The following CNTN5 variants were observed in gnomAD, a reference collection of about 807,000 sequenced individuals.
CNTN5 encodes contactin 5.
A neutral mutation model predicts 129.1 loss-of-function variants in CNTN5; 77 were observed. The ratio of observed to expected loss-of-function variants is 0.60; its 90% confidence interval spans 0.50 to 0.72. The LOEUF (loss-of-function observed/expected upper bound fraction) is 0.72. CNTN5 is among the 30% of genes least tolerant of loss of function. The probability of loss-of-function intolerance (pLI) is 0.00; values close to 1 mark genes in which losing one functional copy is unlikely to be tolerated. For synonymous variants in CNTN5, 509 were observed against 465.6 expected (o/e 1.09, Z -1.20); for missense variants, 1,478 against 1,328.8 (o/e 1.11, Z -1.75).
intron 3 of CNTN5, among the ~76,000 whole-genome samples, chr11:99,601,551 C>T (rs892040833): frequency 6.6e-6 from 1 of 152,228 alleles, no homozygotes; most frequent in African/African-American, 2.4e-5. Context: ...AAGTACTCCA[C>T]AGGGATTTCC....
chr11:99,732,370 T>A (rs186997140), intron 3 of CNTN5, among the ~76,000 whole-genome samples: 1 of 152,276 alleles, frequency 6.6e-6, no homozygotes, highest in East Asian at 1.9e-4. Context: ...GAAGCAGAAA[T>A]ACATTTTAAA....
intron 1 of CNTN5, among the ~76,000 whole-genome samples, chr11:99,302,515 T>A (rs567143452): frequency 6.6e-6 from 1 of 151,942 alleles, no homozygotes; most frequent in African/African-American, 2.4e-5. Context: ...TATATTTTTA[T>A]TGATACATAA....
chr11:99,819,089 C>T (rs562003485), intron 3 of CNTN5, among the ~76,000 whole-genome samples: 2 of 151,734 alleles, frequency 1.3e-5, no homozygotes, highest in African/African-American at 2.4e-5. Context: ...TTCCTCACTG[C>T]ATTTTAATAA....
chr11:99,740,915 T>C (rs1047638187), intron 3 of CNTN5, among the ~76,000 whole-genome samples: 1 of 152,176 alleles, frequency 6.6e-6, no homozygotes, highest in Non-Finnish European at 1.5e-5. Context: ...ACTATCTGCT[T>C]ATGTTTTCTG....
chr11:99,243,613 TA>T (rs1221685096), intron 1 of CNTN5, among the ~76,000 whole-genome samples: 46 of 152,110 alleles, frequency 3.0e-4, no homozygotes, highest in Admixed American at 1.3e-4. Flanking sequence ...CTTAAATATT[TA>T]ATCTATCTTG....
chr11:99,791,539 T>C (rs572308281), intron 3 of CNTN5, among the ~76,000 whole-genome samples: 74 of 151,968 alleles, frequency 4.9e-4, no homozygotes, highest in Non-Finnish European at 8.3e-4. Flanking sequence ...TGTTTTGAAG[T>C]TGGGTCACGT....
At position 99,954,256 on chromosome 11, in the gene CNTN5, A is replaced by G. The variant is rs191115502; in HGVS notation, c.674-2550A>G. Among the ~76,000 whole-genome samples, 275 of 152,358 alleles carry G rather than the reference A, an allele frequency of 1.8e-3. 4 individuals carry two copies. Among genetic ancestry groups the G allele is most frequent in the East Asian group, 3.9e-4 (2 of 5,190 alleles). On this transcript the variant is annotated intron_variant, in intron 7 of 24. Transcript: ENST00000524871. ...GACTTTCATAACGTAGATGCACAGT[A>G]TATCTCAAAGTGGTCATTGTCTGCT... is the stretch of plus-strand genomic sequence containing the variant.
At chr11:99,824,319 A>G (rs953544847) in intron 4 of CNTN5, among the ~76,000 whole-genome samples, 1 of 151,968 alleles carries the variant, frequency 6.6e-6, no homozygotes, top group African/African-American at 2.4e-5. Flanking sequence ...TGAGTATAGT[A>G]TACCATTTTA....
chr11:99,619,185 A>T (rs1950852137), intron 3 of CNTN5, among the ~76,000 whole-genome samples: 1 of 134,768 alleles, frequency 7.4e-6, no homozygotes, highest in Non-Finnish European at 1.7e-5. Flanking sequence ...TTTTGTTAAA[A>T]CAAAAAAATC....
intron 8 of CNTN5, among the ~76,000 whole-genome samples, chr11:99,989,957 G>T (rs1042419682): frequency 2.0e-5 from 3 of 152,032 alleles, no homozygotes; most frequent in Non-Finnish European, 4.4e-5. Context: ...AGTAGAGACG[G>T]GGTTTCACCG....
chr11:99,428,889 T>C (rs561536005), intron 2 of CNTN5, among the ~76,000 whole-genome samples: 5 of 152,202 alleles, frequency 3.3e-5, no homozygotes, highest in Admixed American at 3.3e-4. Flanking sequence ...ATAAATCAGT[T>C]TTTTGCCAAT....
intron 6 of CNTN5, among the ~76,000 whole-genome samples, chr11:99,867,394 G>C (rs575048717): frequency 6.6e-6 from 1 of 152,274 alleles, no homozygotes; most frequent in East Asian, 1.9e-4. Context: ...AAACGTAGAG[G>C]CTTAAACAAG....
At chr11:99,196,099 A>C (rs1478047966) in intron 1 of CNTN5, among the ~76,000 whole-genome samples, 2 of 151,968 alleles carry the variant, frequency 1.3e-5, no homozygotes, top group African/African-American at 4.8e-5. Context: ...AGGTAAAGAA[A>C]GGTTAAAAGT....
At chr11:99,892,850 T>C (rs983667150) in intron 6 of CNTN5, among the ~76,000 whole-genome samples, 1 of 152,242 alleles carries the variant, frequency 6.6e-6, no homozygotes. Flanking sequence ...AGTAGTTTTT[T>C]CTAATTCTGT....
In CNTN5 at chr11:99,819,612, T is replaced by C. The variant is rs201117922; in HGVS notation, c.124T>C (p.Ser42Pro). The change falls in exon 4 of 25, where the codon TCT becomes CCT. Residue 42 changes from serine (S) to proline (P), a missense_variant. Transcript: ENST00000524871. Reference protein sequence around the residue: ...AALLRIKKSSSSSLFGSKTRP... With the variant: ...AALLRIKKSSPSSLFGSKTRP... Reference sequence around the variant, plus strand: ...TTTGTTAAGAATTAAGAAGAGTTCATCTTCATCTCTCTTTGGTTCCAAAAC... The same window carrying C: ...TTTGTTAAGAATTAAGAAGAGTTCACCTTCATCTCTCTTTGGTTCCAAAAC... 1.8e-4 allele frequency: 294 copies of C among 1,612,754 alleles called. No individual in the cohort carries two copies. The highest frequency in any genetic ancestry group is 1.7e-5 in the Non-Finnish European group (20 of 1,179,798).
chr11:100,208,189 C>T (rs966604002), intron 15 of CNTN5, among the ~76,000 whole-genome samples: 1 of 152,132 alleles, frequency 6.6e-6, no homozygotes, highest in Non-Finnish European at 1.5e-5. Context: ...TGGTCTCTAT[C>T]AATTTTCACT....
chr11:100,138,249 GA>G (rs60393448), intron 13 of CNTN5, among the ~76,000 whole-genome samples: 42 of 147,638 alleles, frequency 2.8e-4, no homozygotes, highest in East Asian at 1.8e-3. Flanking sequence ...TGGCACTAAG[GA>G]AAAAAAAAAA....
intron 23 of CNTN5, among the ~76,000 whole-genome samples, chr11:100,341,521 C>T (rs1952162246): frequency 6.6e-6 from 1 of 152,120 alleles, no homozygotes; most frequent in African/African-American, 2.4e-5. Context: ...CATATTCTTC[C>T]AGGAGACTAA....
chr11:99,713,663 A>T (rs1358103928), intron 3 of CNTN5, among the ~76,000 whole-genome samples: 1 of 151,962 alleles, frequency 6.6e-6, no homozygotes, highest in Non-Finnish European at 1.5e-5. Flanking sequence ...AACTATTAAG[A>T]CTTCGTCTCT....
Sources: allele counts gnomAD v4.1 joint callset (sites outside exome capture counted in the v4.1 genomes callset), GRCh38; gene constraint gnomAD v4.1.1; transcripts MANE v1.5; gene names NCBI Gene and HGNC (gene_info 2026-07-23, HGNC 2026-07-21).